ZNF202: variants seen among roughly 807,000 people sequenced by gnomAD.
ZNF202 encodes the protein zinc finger protein with KRAB and SCAN domains 10.
Under a neutral mutation model 54.5 loss-of-function variants are expected in ZNF202, and 22 were observed. The observed-to-expected ratio is 0.40, with a 90% CI of 0.29 to 0.58. The LOEUF is 0.58. Ranked by LOEUF, ZNF202 falls within the 20% of genes least tolerant of loss-of-function variation. The probability of loss-of-function intolerance (pLI) is 0.39; values close to 1 mark genes in which losing one functional copy is unlikely to be tolerated. For synonymous variants in ZNF202, 294 were observed against 301.4 expected (o/e 0.98, Z 0.26); for missense variants, 644 against 805.5 (o/e 0.80, Z 2.43).
Position 123,730,649 on chromosome 11 carries a change from C to T in ZNF202, c.240G>A (p.Arg80=). 1 of 1,613,784 alleles carries T rather than the reference C, an allele frequency of 6.2e-7. No homozygotes were observed. The highest frequency in any genetic ancestry group is 8.5e-7 in the Non-Finnish European group (1 of 1,179,770). Residue 80 remains arginine, a synonymous_variant, in exon 4 of 9, where the codon CGG becomes CGA. Coordinates refer to ENST00000530393, the MANE Select transcript of ZNF202 (RefSeq NM_003455.4). The surrounding 1 kb of genome is among the most constrained non-coding windows in gnomAD (Gnocchi z 6.0). ...LCHQWLRPER[R]TKEQILELLV... is the part of the protein sequence containing the mutation. ...GCAGCTCTAGGATCTGCTCCTTTGT[C>T]CGCCTCTCTGGTCTCAGCCACTGGT...
At position 123,727,542 on chromosome 11, in the gene ZNF202, A is replaced by G; in HGVS notation, c.886T>C (p.Trp296Arg). The change falls in exon 8 of 9, where the codon TGG (tryptophan) becomes CGG (arginine). Residue 296 changes from tryptophan (W) to arginine (R), a missense_variant. Trp to Arg is a moderately radical substitution (Grantham distance 101). This residue lies in a region of ZNF202 where 536 missense variants were observed against 635.3 expected (regional missense o/e 0.84). Transcript: ENST00000530393. ...EISQVREEEP[W>R]VPDIQEPQET... ...TGAGGCTCTTGGATATCTGGGACCC[A>G]AGGCTCTTCCTCTCTAACCTGGGAG... 13 of 1,614,134 alleles carry G rather than the reference A, an allele frequency of 8.1e-6. No homozygotes were observed. The highest frequency in any genetic ancestry group is 1.1e-5 in the Non-Finnish European group (13 of 1,180,008).
rs778624335 is a variant in ZNF202, at chr11:123,727,587, T to C, written c.841A>G (p.Ile281Val). ...TGGGAGATCTCATCAGGTCTGGGGATTGGAAATGCTGCTCAAGAGAGGGAA... is the reference window on the plus strand; with the variant it reads ...TGGGAGATCTCATCAGGTCTGGGGACTGGAAATGCTGCTCAAGAGAGGGAA... ...CGIVVSLSFP[I>V]PRPDEISQVR... Residue 281 changes from isoleucine (I) to valine (V), a missense_variant, in exon 8 of 9, where the codon ATC becomes GTC. Coordinates refer to ENST00000530393, the MANE Select transcript of ZNF202 (RefSeq NM_003455.4). 3.7e-6 allele frequency: 6 copies of C among 1,613,926 alleles called. No homozygotes were observed. In the African/African-American group the frequency reaches 6.7e-5, roughly 18 times the overall value.
Position 123,728,491 on chromosome 11 carries a change from A to G in ZNF202, c.703-229T>C, listed in dbSNP as rs1861256249. Among the ~76,000 whole-genome samples, 3 of 152,126 alleles carry G rather than the reference A, an allele frequency of 2.0e-5. No homozygotes were observed. In the South Asian group the frequency reaches 6.2e-4, roughly 31 times the overall value. On this transcript the variant is annotated intron_variant, in intron 6 of 8. Coordinates refer to ENST00000530393, the MANE Select transcript of ZNF202 (RefSeq NM_003455.4). The stretch of plus-strand genomic sequence containing the variant: ...GACCAGCTTATGTTCTTCTTCTTTA[A>G]GGTATTGTTTAAAATTTAGGAAAGG...
At chr11:123,741,187 C>T (rs1458318276) in intron 1 of ZNF202, among the ~76,000 whole-genome samples, 1 of 152,112 alleles carries the variant, frequency 6.6e-6, no homozygotes, top group Non-Finnish European at 1.5e-5. Flanking sequence ...GACCACTCCT[C>T]CCTCGGTTCC....
chr11:123,734,840 A>G (rs1565528499), intron 3 of ZNF202, among the ~76,000 whole-genome samples: 1 of 152,204 alleles, frequency 6.6e-6, no homozygotes, highest in South Asian at 2.1e-4. Context: ...TAAGTCTAGC[A>G]AACTGTGTGC....
rs1025169208 is a variant in ZNF202 at position 123,737,398 on chromosome 11, G to A, written c.-98+2719C>T. On this transcript the variant is annotated intron_variant, in intron 3 of 8. Transcript: ENST00000530393. ...TTTTTGCCACCTAAGTTTCCCCCCC[G>A]CCCCTTCATAAAAGTGATATTTGAG... is the stretch of plus-strand genomic sequence containing the variant. 7.2e-5 allele frequency among the ~76,000 whole-genome samples: 11 copies of A among 151,902 alleles called. No homozygotes were observed. The East Asian group carries it at 7.7e-4, about 11-fold the overall frequency.
chr11:123,734,105 C>G (rs202015790), intron 3 of ZNF202, among the ~76,000 whole-genome samples: 7 of 149,090 alleles, frequency 4.7e-5, no homozygotes, highest in African/African-American at 5.0e-5. Flanking sequence ...GAGAGAGAGA[C>G]AGAGAGAGAG....
chr11:123,737,640 T>A (rs897329860), intron 3 of ZNF202, among the ~76,000 whole-genome samples: 1 of 151,784 alleles, frequency 6.6e-6, no homozygotes, highest in Non-Finnish European at 1.5e-5. Context: ...AGAGTAAATG[T>A]AAACACAAAA....
At position 123,740,409 on chromosome 11, in the gene ZNF202, C is replaced by A. The variant is rs1861811301; in HGVS notation, c.-174+8G>T. On this transcript the variant is annotated splice_region_variant and intron_variant, in intron 2 of 8. Coordinates refer to ENST00000530393, the MANE Select transcript of ZNF202 (RefSeq NM_003455.4). Reference sequence around the variant, plus strand: ...CCAACAAACCTCCTCCCAAGGCTATCCCACAACCTTTCTGAAGTAGCTTCC... The same window carrying A: ...CCAACAAACCTCCTCCCAAGGCTATACCACAACCTTTCTGAAGTAGCTTCC... 6.6e-6 allele frequency: 1 copy of A among 152,328 alleles called. No individual in the cohort carries two copies. The highest frequency in any genetic ancestry group is 1.5e-5 in the Non-Finnish European group (1 of 68,094). 9.4% of individuals were successfully genotyped at this position (152,328 alleles called of 1,614,324 possible).
chr11:123,728,134 C>T lies in ZNF202; in HGVS notation c.831G>A (p.Leu277=). The T allele has an allele frequency of 6.2e-7, 1 of 1,608,004 alleles. No homozygotes were observed. ...TCTAGAATACTTGAAATTCCTTACA[C>T]AGAGAGACAACAATTCCACAGTCTT... ...LEEDCGIVVS[L]SFPIPRPDEI... Residue 277 remains leucine, a splice_region_variant and synonymous_variant, in exon 7 of 9, where the codon CTG becomes CTA. Coordinates refer to ENST00000530393, the MANE Select transcript of ZNF202 (RefSeq NM_003455.4).
chr11:123,738,339 T>C (rs1861714915), intron 3 of ZNF202, among the ~76,000 whole-genome samples: 1 of 152,174 alleles, frequency 6.6e-6, no homozygotes, highest in Non-Finnish European at 1.5e-5. Context: ...GAGGCCAGAT[T>C]TATACACCTG....
At position 123,730,723 on chromosome 11, in the gene ZNF202, C is replaced by G; in HGVS notation, c.166G>C (p.Glu56Gln). 1 of 1,614,232 alleles carries G rather than the reference C, an allele frequency of 6.2e-7. No individual in the cohort carries two copies. The highest frequency in any genetic ancestry group is 8.5e-7 in the Non-Finnish European group (1 of 1,180,042). The change falls in exon 4 of 9, where the codon GAG becomes CAG. Residue 56 changes from glutamate (E) to glutamine (Q), a missense_variant. This residue lies in a region of ZNF202 where 62 missense variants were observed against 122.8 expected (regional missense o/e 0.50). Coordinates refer to ENST00000530393, the MANE Select transcript of ZNF202 (RefSeq NM_003455.4). This position sits in a 1 kb window ranked among gnomAD's most constrained non-coding sequence, Gnocchi z 6.0. ...HQNFRRFRYQ[E>Q]AASPREALIR... ...AGAGCTTCTCTAGGGCTTGCTGCCT[C>G]CTGGTAGCGGAAGCGTCGGAAGTTC...
intron 3 of ZNF202, among the ~76,000 whole-genome samples, chr11:123,733,919 G>A (rs982976830): frequency 3.9e-5 from 6 of 152,164 alleles, no homozygotes; most frequent in Admixed American, 2.0e-4. Context: ...TTCACACAGC[G>A]TCAGCTTCCC....
chr11:123,730,782 T>C lies in ZNF202; in HGVS notation c.107A>G (p.Gln36Arg), dbSNP rs1223157270. The change falls in exon 4 of 9, where the codon CAG becomes CGG. Residue 36 changes from glutamine to arginine, a missense_variant. By Grantham distance (43) the Gln-to-Arg change is conservative. Transcript: ENST00000530393. The surrounding 1 kb of genome is among the most constrained non-coding windows in gnomAD (Gnocchi z 6.0). ...DFTCRPESVLQRDDPVLETSH... is the reference protein window; with the variant it reads ...DFTCRPESVLRRDDPVLETSH... ...GGTTTCCAGCACCGGGTCATCCCTC[T>C]GTAAGACAGACTCTGGCCGACAGGT... 8 of 1,614,220 alleles carry C rather than the reference T, an allele frequency of 5.0e-6. No homozygotes were observed. The highest frequency in any genetic ancestry group is 4.5e-5 in the East Asian group (2 of 44,866).
intron 3 of ZNF202, chr11:123,738,591 T>C (rs10466601): frequency 0.68 from 103,673 of 152,012 alleles, 35,546 homozygotes; most frequent in Middle Eastern, 0.82. Flanking sequence ...GTATGCAATC[T>C]CTACAACAAA....
intron 6 of ZNF202, among the ~76,000 whole-genome samples, chr11:123,728,582 A>C (rs1373527165): frequency 6.6e-6 from 1 of 152,242 alleles, no homozygotes; most frequent in African/African-American, 2.4e-5. Context: ...TGCAAAATTC[A>C]TCTTTTCTAG....
At chr11:123,736,133 G>A (rs1248519381) in intron 3 of ZNF202, among the ~76,000 whole-genome samples, 1 of 152,182 alleles carries the variant, frequency 6.6e-6, no homozygotes, top group Non-Finnish European at 1.5e-5. Context: ...CCCCTTATCT[G>A]AAGGTGTCAC....
intron 7 of ZNF202, 141 bp from the exon 8 acceptor site, chr11:123,727,736 G>T: frequency 8.2e-7 from 1 of 1,212,476 alleles, no homozygotes; most frequent in Non-Finnish European, 1.1e-6. Flanking sequence ...TTTAGTTTGT[G>T]TACTTTTAAC....
chr11:123,726,768 CAG>C lies in ZNF202; in HGVS notation c.1174_1175del (p.Leu392ValfsTer6). ...CAGAACAGTCATGATGCCTCCCTAACAGGGGGTGGACGGGTGTAGTTTCCCGA... is the reference window on the plus strand; with the variant it reads ...CAGAACAGTCATGATGCCTCCCTAACGGGGTGGACGGGTGTAGTTTCCCGA... The part of the protein sequence containing the change: ...NLRETTPVHP[L>X]LGRHHDCSVC... On this transcript the variant is annotated frameshift_variant, in exon 9 of 9. Coordinates refer to ENST00000530393, the MANE Select transcript of ZNF202 (RefSeq NM_003455.4). LOFTEE classifies it high-confidence loss of function. The surrounding 1 kb of genome is among the most constrained non-coding windows in gnomAD (Gnocchi z 6.0). The C allele has an allele frequency of 2.5e-6, 4 of 1,614,212 alleles. No homozygotes were observed. Among genetic ancestry groups the C allele is most frequent in the Non-Finnish European group, 3.4e-6 (4 of 1,180,034 alleles).
Sources: allele counts gnomAD v4.1 joint callset (sites outside exome capture counted in the v4.1 genomes callset), GRCh38; gene constraint gnomAD v4.1.1; regional missense constraint gnomAD v4.1.1; non-coding constraint Gnocchi (gnomAD v3.1); transcripts MANE v1.5; gene names NCBI Gene and HGNC (gene_info 2026-07-23, HGNC 2026-07-21).